Variants in TMEM131 observed in about 807,000 individuals in gnomAD.
The protein encoded by TMEM131 is transmembrane protein 131.
Under a neutral mutation model 211.6 loss-of-function variants are expected in TMEM131, and 66 were observed. That is an observed-to-expected ratio of 0.31 (90% confidence interval 0.26 to 0.38). TMEM131 has a LOEUF of 0.38. Ranked by LOEUF, TMEM131 falls within the 10% of genes least tolerant of loss-of-function variation. The pLI, the probability that TMEM131 is intolerant of heterozygous loss-of-function variation, is 1.00. For missense variants in TMEM131, 2,036 were observed against 2,299.3 expected (o/e 0.89, Z 2.34); for synonymous variants, 844 against 841.3 (o/e 1.00, Z -0.06).
intron 1 of TMEM131, among the ~76,000 whole-genome samples, chr2:97,978,406 T>C (rs1296900628): frequency 1.3e-5 from 2 of 152,156 alleles, no homozygotes; most frequent in Non-Finnish European, 2.9e-5. Flanking sequence ...ACTGCAGCAA[T>C]TCAGTTACAT....
chr2:97,850,439 T>C (rs1286093816), intron 5 of TMEM131, among the ~76,000 whole-genome samples: 1 of 152,106 alleles, frequency 6.6e-6, no homozygotes, highest in Non-Finnish European at 1.5e-5. Flanking sequence ...TAAAAAAACC[T>C]CAAGCAGACA....
At position 97,792,948 on chromosome 2, in the gene TMEM131, C is replaced by A. The variant is rs985230490; in HGVS notation, c.3582G>T (p.Arg1194Ser). The change falls in exon 31 of 41, where the codon AGG becomes AGT. Residue 1194 changes from arginine to serine, a missense_variant. Physicochemically the swap from Arg to Ser is moderately radical, Grantham distance 110. Around this residue, in one of 3 missense-constraint regions of TMEM131, gnomAD observed 1,623 missense variants for 1,805.9 expected, o/e 0.90. Transcript: ENST00000186436. ...NTLSCDPGHSRGFCGAGGSSS... is the reference protein window; with the variant it reads ...NTLSCDPGHSSGFCGAGGSSS... ...ATGAACCGCCTGCTCCACAGAACCC[C>A]CTACTGTGACCGGGGTCACAGCTGA... The A allele has an allele frequency of 6.2e-7, 1 of 1,602,696 alleles. No homozygotes were observed. Among genetic ancestry groups the A allele is most frequent in the Non-Finnish European group, 8.5e-7 (1 of 1,174,964 alleles).
intron 5 of TMEM131, among the ~76,000 whole-genome samples, chr2:97,850,878 A>C (rs142571641): frequency 1.3e-4 from 20 of 152,258 alleles, no homozygotes; most frequent in African/African-American, 4.8e-4. Context: ...TGAGAACTTA[A>C]TTTGATTTAA....
At chr2:97,827,319 G>A in intron 11 of TMEM131, 3 of 791,140 alleles carry the variant, frequency 3.8e-6, no homozygotes, top group Non-Finnish European at 7.0e-6. Context: ...CGGCGCGGTT[G>A]TCAGCTAAAC....
intron 1 of TMEM131, among the ~76,000 whole-genome samples, chr2:97,992,674 C>T (rs990640661): frequency 6.6e-6 from 1 of 152,090 alleles, no homozygotes; most frequent in Non-Finnish European, 1.5e-5. Context: ...TCATAATGGG[C>T]TGCTTTATAA....
chr2:97,796,354 C>G lies in TMEM131; in HGVS notation c.3064G>C (p.Glu1022Gln). 1 of 1,545,764 alleles carries G rather than the reference C, an allele frequency of 6.5e-7. No homozygotes were observed. Among genetic ancestry groups the G allele is most frequent in the Non-Finnish European group, 8.7e-7 (1 of 1,146,994 alleles). Residue 1022 changes from glutamate (E) to glutamine (Q), a missense_variant, in exon 28 of 41, where the codon GAG becomes CAG. Around this residue, in one of 3 missense-constraint regions of TMEM131, gnomAD observed 1,623 missense variants for 1,805.9 expected, o/e 0.90. Transcript: ENST00000186436. ...TGAATTTGAAGTTGTCCTGTATTCT[C>G]TACCTTAAATGTTCTTTTCAATGTG... is the stretch of plus-strand genomic sequence containing the variant. Reference protein sequence around the residue: ...NFTLKRTFKVENTGQLQIHIE... With the variant: ...NFTLKRTFKVQNTGQLQIHIE...
At chr2:97,902,989 T>G (rs1675922259) in intron 3 of TMEM131, among the ~76,000 whole-genome samples, 1 of 152,212 alleles carries the variant, frequency 6.6e-6, no homozygotes, top group Non-Finnish European at 1.5e-5. Context: ...TGTGATCGTG[T>G]AAATTAATAC....
At chr2:97,859,527 C>A in intron 4 of TMEM131, 100 bp from the exon 5 acceptor site, 1 of 958,294 alleles carries the variant, frequency 1.0e-6, no homozygotes, top group Non-Finnish European at 1.5e-6. Context: ...AAATACATAG[C>A]TAAATATATT....
At chr2:97,766,433 G>C (rs1679170432) in intron 34 of TMEM131, 45 bp downstream of exon 34, 3 of 1,613,168 alleles carry the variant, frequency 1.9e-6, no homozygotes, top group African/African-American at 1.3e-5. Context: ...GGTGCACTAT[G>C]AAAAGATCCG....
At chr2:97,866,890 A>G (rs1481412828) in intron 4 of TMEM131, among the ~76,000 whole-genome samples, 1 of 152,194 alleles carries the variant, frequency 6.6e-6, no homozygotes, top group Non-Finnish European at 1.5e-5. Flanking sequence ...TTTGAATTTC[A>G]GATTTTTTCA....
intron 33 of TMEM131, among the ~76,000 whole-genome samples, chr2:97,769,917 A>T (rs1186344833): frequency 6.6e-6 from 1 of 152,162 alleles, no homozygotes; most frequent in Non-Finnish European, 1.5e-5. Flanking sequence ...ATTTCCTAGC[A>T]AGTGATTTTT....
At position 97,972,156 on chromosome 2, in the gene TMEM131, C is replaced by T. The variant is rs117449254; in HGVS notation, c.187+23320G>A. On this transcript the variant is annotated intron_variant, in intron 1 of 40. Transcript: ENST00000186436. ...CTGGGAGGTGAAGGCTGCAGTGAGC[C>T]GAGATCTGCCATTTCAGAAACAGAA... Among the ~76,000 whole-genome samples the T allele has an allele frequency of 3.2e-3, 489 of 152,124 alleles. 5 individuals are homozygous for T. The East Asian group carries it at 0.04, about 13-fold the overall frequency.
At position 97,760,683 on chromosome 2, in the gene TMEM131, T is replaced by C; in HGVS notation, c.5018A>G (p.Asn1673Ser). 1.2e-6 allele frequency: 2 copies of C among 1,613,966 alleles called. No individual in the cohort carries two copies. Among genetic ancestry groups the C allele is most frequent in the South Asian group, 2.2e-5 (2 of 91,082 alleles). Residue 1673 changes from asparagine (N) to serine (S), a missense_variant, in exon 38 of 41, where the codon AAT becomes AGT. Coordinates refer to ENST00000186436, the MANE Select transcript of TMEM131 (RefSeq NM_015348.2). Reference sequence around the variant, plus strand: ...GTTTGAAGAAACTTTAGCAAAGCCATTCCCACCTGTAACAATGGACGTTCA... The same window carrying C: ...GTTTGAAGAAACTTTAGCAAAGCCACTCCCACCTGTAACAATGGACGTTCA... ...TAGYDKSPGG[N>S]GFAKVSSNKT...
chr2:97,885,151 T>C (rs1177145976), intron 4 of TMEM131, among the ~76,000 whole-genome samples: 1 of 152,244 alleles, frequency 6.6e-6, no homozygotes, highest in African/African-American at 2.4e-5. Flanking sequence ...GCATTTCTTG[T>C]AAGGCCAGTC....
chr2:97,820,995 C>T (rs1441392094), intron 11 of TMEM131, among the ~76,000 whole-genome samples: 5 of 152,150 alleles, frequency 3.3e-5, no homozygotes, highest in African/African-American at 4.8e-5. Context: ...AGCTTTGTTA[C>T]AGGTGATCAC....
At chr2:97,787,543 T>C (rs935294070) in intron 31 of TMEM131, among the ~76,000 whole-genome samples, 4 of 152,226 alleles carry the variant, frequency 2.6e-5, no homozygotes, top group Non-Finnish European at 2.9e-5. Flanking sequence ...GGACCTCCCA[T>C]TGTCTGGGCC....
intron 19 of TMEM131, 52 bp from the exon 20 acceptor site, chr2:97,805,755 T>G: frequency 6.7e-7 from 1 of 1,495,064 alleles, no homozygotes; most frequent in Non-Finnish European, 9.0e-7. Flanking sequence ...TAAATTTTCT[T>G]AAGATCACAA....
chr2:97,785,121 TTAACATCTTCCCCCCACTTTAAGTCAA>T (rs1437336175), intron 31 of TMEM131, among the ~76,000 whole-genome samples: 4 of 152,110 alleles, frequency 2.6e-5, no homozygotes, highest in Non-Finnish European at 5.9e-5. Flanking sequence ...GACTTAAAAA[TTAACATCTTCCCCCCACTTTAAGTCAA>T]AGTGAACTCC....
In TMEM131 at chr2:97,775,977, T is replaced by G; in HGVS notation, c.4186A>C (p.Lys1396Gln). The G allele has an allele frequency of 6.2e-7, 1 of 1,614,022 alleles. No homozygotes were observed. The highest frequency in any genetic ancestry group is 8.5e-7 in the Non-Finnish European group (1 of 1,179,884). ...CCCTTCTTCTCCTTTTCCTCTTGCT[T>G]CTTAGGTGGTTTCACCTTGCGCTGA... ...PLQRKVKPPK[K>Q]QEEKEKKGKG... Residue 1396 changes from lysine to glutamine, a missense_variant, in exon 32 of 41, where the codon AAG (lysine) becomes CAG (glutamine). By Grantham distance (53) the Lys-to-Gln change is moderately conservative. Coordinates refer to ENST00000186436, the MANE Select transcript of TMEM131 (RefSeq NM_015348.2).
Sources: allele counts gnomAD v4.1 joint callset (sites outside exome capture counted in the v4.1 genomes callset), GRCh38; gene constraint gnomAD v4.1.1; regional missense constraint gnomAD v4.1.1; transcripts MANE v1.5; gene names NCBI Gene and HGNC (gene_info 2026-07-23, HGNC 2026-07-21).